The following ATG4C variants were observed in gnomAD, a reference collection of about 807,000 sequenced individuals.
ATG4C encodes the protein autophagy related 4C cysteine peptidase.
A neutral mutation model predicts 57.6 loss-of-function variants in ATG4C; 56 were observed. The ratio of observed to expected loss-of-function variants is 0.97; its 90% CI spans 0.78 to 1.21. The LOEUF is 1.21. ATG4C is among the 50% of genes most tolerant of loss of function. The pLI is 0.00. For missense variants in ATG4C, 595 were observed against 529.8 expected (o/e 1.12, Z -1.21); for synonymous variants, 157 against 174.1 (o/e 0.90, Z 0.78).
rs1666504915 is a variant in ATG4C at position 62,850,916 on chromosome 1, A to G, written c.1209+9369A>G. Among the ~76,000 whole-genome samples the G allele has an allele frequency of 1.4e-5, 2 of 141,508 alleles. 1 individual carries two copies. 92.8% of individuals were successfully genotyped at this position (141,508 alleles called of 152,430 possible). A position where few individuals can be genotyped will look rare whatever the true frequency, so the allele number is the denominator to read the frequency against. On this transcript the variant is annotated intron_variant, in intron 10 of 10. Coordinates refer to ENST00000317868, the MANE Select transcript of ATG4C (RefSeq NM_032852.4). ...TATATATATATACATACACATACACACACATTCTGTTTAGTTATCTATCAT... is the reference window on the plus strand; with the variant it reads ...TATATATATATACATACACATACACGCACATTCTGTTTAGTTATCTATCAT...
At chr1:62,857,843 A>G (rs907209804) in intron 10 of ATG4C, among the ~76,000 whole-genome samples, 2 of 152,226 alleles carry the variant, frequency 1.3e-5, no homozygotes, top group African/African-American at 4.8e-5. Context: ...TTGCAGTGAC[A>G]GTACCCACCA....
chr1:62,800,233 A>AC (rs1664613297), intron 1 of ATG4C, among the ~76,000 whole-genome samples: 1 of 151,998 alleles, frequency 6.6e-6, no homozygotes, highest in African/African-American at 2.4e-5. Flanking sequence ...GCATGCACAT[A>AC]CTCTCATTAA....
chr1:62,822,017 G>T (rs1665498861), intron 6 of ATG4C, among the ~76,000 whole-genome samples: 1 of 152,032 alleles, frequency 6.6e-6, no homozygotes, highest in Non-Finnish European at 1.5e-5. Context: ...TGCTCAACCT[G>T]TAGTAATTTT....
intron 1 of ATG4C, among the ~76,000 whole-genome samples, chr1:62,787,989 A>T (rs566560600): frequency 1.3e-5 from 2 of 152,302 alleles, no homozygotes; most frequent in South Asian, 4.1e-4. Flanking sequence ...TGGAGAAAAT[A>T]TATAAAATAG....
intron 10 of ATG4C, among the ~76,000 whole-genome samples, chr1:62,842,301 ATTT>A (rs71045857): frequency 3.6e-5 from 5 of 139,538 alleles, no homozygotes; most frequent in Admixed American, 7.3e-5. Flanking sequence ...ATTTTTGGGA[ATTT>A]TTTTTTTTTT....
At chr1:62,856,229 G>A (rs144186328) in intron 10 of ATG4C, among the ~76,000 whole-genome samples, 76 of 152,160 alleles carry the variant, frequency 5.0e-4, no homozygotes, top group African/African-American at 1.8e-3. Context: ...CTAGTTCTGT[G>A]TTTTCCACAT....
chr1:62,808,986 A>G (rs555586960), intron 3 of ATG4C, among the ~76,000 whole-genome samples: 2 of 152,216 alleles, frequency 1.3e-5, no homozygotes, highest in African/African-American at 4.8e-5. Flanking sequence ...CTGGAGTGCA[A>G]CAGTGTCCCA....
At position 62,812,791 on chromosome 1, in the gene ATG4C, A is replaced by G. The variant is rs1252902227; in HGVS notation, c.161-3784A>G. Among the ~76,000 whole-genome samples the G allele has an allele frequency of 2.0e-5, 3 of 152,210 alleles. No individual in the cohort carries two copies. In the South Asian group the frequency reaches 6.2e-4, roughly 32 times the overall value. On this transcript the variant is annotated intron_variant, in intron 3 of 10. Transcript: ENST00000317868. ...AGCAAAGTCTCAGAATACAAAATCA[A>G]TGTGCAAAAATCGCAAGCATTCCTA... is the stretch of plus-strand genomic sequence containing the variant.
chr1:62,809,596 T>C (rs1009621435), intron 3 of ATG4C, among the ~76,000 whole-genome samples: 1 of 147,022 alleles, frequency 6.8e-6, no homozygotes, highest in African/African-American at 2.5e-5. Context: ...ACTAATGTAA[T>C]TTATATAATT....
At chr1:62,858,966 G>A (rs555315489) in intron 10 of ATG4C, among the ~76,000 whole-genome samples, 45 of 152,146 alleles carry the variant, frequency 3.0e-4, no homozygotes, top group Non-Finnish European at 5.6e-4. Context: ...CTTAATGATG[G>A]GGATACATTC....
At position 62,865,034 on chromosome 1, in the gene ATG4C, G is replaced by T. The variant is rs12023833; in HGVS notation, c.*875G>T. On this transcript the variant is annotated 3_prime_UTR_variant, in exon 11 of 11. Transcript: ENST00000317868. ...TGGTGTTTAGAAGCTGAGGCCACCT[G>T]TAAGGCAAATCTGCCTTAAGTGTAT... 2 of 151,954 alleles carry T rather than the reference G, an allele frequency of 1.3e-5. No homozygotes were observed. Among genetic ancestry groups the T allele is most frequent in the East Asian group, 3.9e-4 (2 of 5,178 alleles). The allele number at this position is 151,954 out of a possible 1,614,324, so 9.4% of individuals were successfully genotyped here.
At chr1:62,825,859 C>T (rs1465218873) in intron 6 of ATG4C, among the ~76,000 whole-genome samples, 1 of 152,136 alleles carries the variant, frequency 6.6e-6, no homozygotes, top group African/African-American at 2.4e-5. Context: ...TTTTCTCTCA[C>T]ATCTTACATT....
At chr1:62,844,084 T>A (rs983454432) in intron 10 of ATG4C, among the ~76,000 whole-genome samples, 1 of 151,906 alleles carries the variant, frequency 6.6e-6, no homozygotes, top group Non-Finnish European at 1.5e-5. Context: ...AAGTGGAGAG[T>A]TTGTCTAGAG....
intron 9 of ATG4C, chr1:62,835,297 C>T (rs1665964949): frequency 7.8e-6 from 2 of 257,542 alleles, no homozygotes; most frequent in Admixed American, 1.0e-4. Flanking sequence ...TAAATCTTAG[C>T]CTTTAGTTAG....
chr1:62,809,472 CAT>C (rs1664996537), intron 3 of ATG4C, among the ~76,000 whole-genome samples: 1 of 145,596 alleles, frequency 6.9e-6, no homozygotes. Flanking sequence ...TATATAAATA[CAT>C]ATAGACATAT....
At chr1:62,861,191 T>G (rs2184192) in intron 10 of ATG4C, among the ~76,000 whole-genome samples, 35,126 of 151,984 alleles carry the variant, frequency 0.23, 4,480 homozygotes, top group East Asian at 0.53. Context: ...TCAGTTACCT[T>G]AAATTTTTTT....
chr1:62,836,360 T>C (rs1249759006), intron 9 of ATG4C, among the ~76,000 whole-genome samples: 1 of 152,098 alleles, frequency 6.6e-6, no homozygotes, highest in African/African-American at 2.4e-5. Context: ...GGGACACTTA[T>C]AGAATGGGTT....
At chr1:62,822,941 G>C (rs1557975886) in intron 6 of ATG4C, among the ~76,000 whole-genome samples, 1 of 152,292 alleles carries the variant, frequency 6.6e-6, no homozygotes, top group East Asian at 1.9e-4. Flanking sequence ...GATCACTTGA[G>C]CCCAGCAGTT....
chr1:62,789,252 C>CT (rs1174795370), intron 1 of ATG4C, among the ~76,000 whole-genome samples: 2 of 152,116 alleles, frequency 1.3e-5, no homozygotes, highest in East Asian at 3.8e-4. Context: ...CCCAAGTATC[C>CT]TTTTTTTCAA....
Sources: gnomAD v4.1 joint callset for allele counts (sites outside exome capture counted in the v4.1 genomes callset) on GRCh38, gnomAD v4.1.1 for gene constraint, MANE v1.5 for transcripts, NCBI Gene and HGNC (gene_info 2026-07-23, HGNC 2026-07-21) for gene names.